Variants in TBX3 observed in about 807,000 individuals in gnomAD.
TBX3 encodes the protein T-box transcription factor 3.
Under a neutral mutation model 47.8 loss-of-function variants are expected in TBX3, and 11 were observed. The ratio of observed to expected loss-of-function variants is 0.23; its 90% CI spans 0.14 to 0.38. The LOEUF (loss-of-function observed/expected upper bound fraction) is 0.38, where lower values mean the gene tolerates loss of function less well. Among genes scored for constraint, TBX3 ranks in the 10% least tolerant of loss-of-function variants. The pLI is 1.00. For synonymous variants in TBX3, 500 were observed against 449.3 expected, an observed-to-expected ratio of 1.11 and a Z score of -1.43; for missense variants, 927 against 1,022.8, an observed-to-expected ratio of 0.91 and a Z score of 1.28.
rs1234535767 is a variant in TBX3, at chr12:114,679,546, C to T, written c.763G>A (p.Glu255Lys). 10 of 1,614,036 alleles carry T rather than the reference C, an allele frequency of 6.2e-6. No individual in the cohort carries two copies. The highest frequency in any genetic ancestry group is 8.5e-7 in the Non-Finnish European group (1 of 1,180,052). Residue 255 changes from glutamate (E) to lysine (K), a missense_variant, in exon 3 of 7, where the codon GAA (glutamate) becomes AAA (lysine). By Grantham distance (56) the Glu-to-Lys change is moderately conservative (BLOSUM62 1). Coordinates refer to ENST00000349155, the MANE Select transcript of TBX3 (RefSeq NM_005996.4). ...GCAGTCACAGCGATGAATTCAGTTT[C>T]GGGGAACAAGTATGTCCGAAATGTA... Reference protein sequence around the residue: ...YSTFRTYLFPETEFIAVTAYQ... With the variant: ...YSTFRTYLFPKTEFIAVTAYQ...
At chr12:114,672,433 TGTG>T in intron 6 of TBX3, 131 bp from the exon 7 acceptor site, 1 of 524,702 alleles carries the variant, frequency 1.9e-6, no homozygotes, top group Non-Finnish European at 2.7e-6. Context: ...TTGTTGTTGT[TGTG>T]TTTTTTTTTT....
Position 114,671,638 on chromosome 12 carries a change from T to C in TBX3, c.*203A>G, listed in dbSNP as rs1443908504. On this transcript the variant is annotated 3_prime_UTR_variant, in exon 7 of 7. Coordinates refer to ENST00000349155, the MANE Select transcript of TBX3 (RefSeq NM_005996.4). ...ACGTTTCTGAGCCCCCAGAATCTGA[T>C]CCAGATCCCGGACATATAAACCACG... The C allele has an allele frequency of 4.5e-6, 3 of 667,968 alleles. No individual in the cohort carries two copies. The highest frequency in any genetic ancestry group is 1.9e-5 in the South Asian group (1 of 53,326). 41.4% of individuals were successfully genotyped at this position (667,968 alleles called of 1,614,324 possible).
At chr12:114,682,517 CTTTT>C (rs34428684) in intron 1 of TBX3, among the ~76,000 whole-genome samples, 28 of 145,548 alleles carry the variant, frequency 1.9e-4, no homozygotes, top group African/African-American at 6.5e-4. Context: ...AGTAGAGTGC[CTTTT>C]TTTTTTTTCT....
chr12:114,683,302 G>A lies in TBX3; in HGVS notation c.-102C>T. ...TTTAACAGCAGCACATAATTCAAAA[G>A]GGGGGAAAAAGCAAAACAAAAAAGA... On this transcript the variant is annotated 5_prime_UTR_variant, in exon 1 of 7. Transcript: ENST00000349155. This position sits in a 1 kb window ranked among gnomAD's most constrained non-coding sequence, Gnocchi z 7.7. 6.7e-7 allele frequency: 1 copy of A among 1,495,148 alleles called. No individual in the cohort carries two copies. The highest frequency in any genetic ancestry group is 1.4e-5 in the African/African-American group (1 of 71,122). The allele number at this position is 1,495,148 out of a possible 1,614,324, so 92.6% of individuals were successfully genotyped here.
chr12:114,683,386 A>AG lies in TBX3; in HGVS notation c.-187dup. ...AATGCACTTCAAAGGGAGGAGGGGA[A>AG]GTGTCTTTTGGAGAATGGGAGGCCG... On this transcript the variant is annotated 5_prime_UTR_variant, in exon 1 of 7. Transcript: ENST00000349155. The surrounding 1 kb of genome is among the most constrained non-coding windows in gnomAD (Gnocchi z 7.7). The AG allele has an allele frequency of 2.5e-6, 2 of 793,486 alleles. No homozygotes were observed. The highest frequency in any genetic ancestry group is 3.9e-6 in the Non-Finnish European group (2 of 519,448). 49.2% of individuals were successfully genotyped at this position (793,486 alleles called of 1,614,324 possible). A position where few individuals can be genotyped will look rare whatever the true frequency, so the allele number is the denominator to read the frequency against.
In TBX3 at chr12:114,683,519, A is replaced by T; in HGVS notation, c.-319T>A. 5.3e-6 allele frequency: 2 copies of T among 379,424 alleles called. No homozygotes were observed. The highest frequency in any genetic ancestry group is 4.5e-5 in the South Asian group (1 of 22,208). The allele number at this position is 379,424 out of a possible 1,614,324, so 23.5% of individuals were successfully genotyped here. On this transcript the variant is annotated 5_prime_UTR_variant, in exon 1 of 7. Transcript: ENST00000349155. The surrounding 1 kb of genome is among the most constrained non-coding windows in gnomAD (Gnocchi z 7.7). ...CTCCTGAACGTCGGTTTCAGAAGCG[A>T]GAGGAGCGAGCAGGGTCTCGACTCG...
At chr12:114,676,689 G>C (rs990166074) in intron 4 of TBX3, among the ~76,000 whole-genome samples, 1 of 152,228 alleles carries the variant, frequency 6.6e-6, no homozygotes, top group African/African-American at 2.4e-5. Context: ...CAGAGGGTTA[G>C]GGAGAAAGGA....
rs577155721 is a variant in TBX3, at chr12:114,684,002, G to C, written c.-802C>G. ...GTGAGCGAATTCGCTTCCTAAATCT[G>C]TGTCCAGGCGCGCAGGGCAGGGAGG... is the stretch of plus-strand genomic sequence containing the variant. On this transcript the variant is annotated 5_prime_UTR_variant, in exon 1 of 7. Transcript: ENST00000349155. 5.6e-5 allele frequency: 13 copies of C among 230,226 alleles called. No homozygotes were observed. The highest frequency in any genetic ancestry group is 1.1e-4 in the Non-Finnish European group (13 of 116,386). 14.3% of individuals were successfully genotyped at this position (230,226 alleles called of 1,614,324 possible). A position where few individuals can be genotyped will look rare whatever the true frequency, so the allele number is the denominator to read the frequency against.
chr12:114,680,814 G>A (rs1376876980), intron 2 of TBX3, 65 bp downstream of exon 2: 1 of 1,606,290 alleles, frequency 6.2e-7, no homozygotes, highest in South Asian at 1.1e-5. Flanking sequence ...TCATGAAATG[G>A]GAAGCACTGC....
Position 114,683,216 on chromosome 12 carries a change from C to G in TBX3, c.-16G>C. On this transcript the variant is annotated 5_prime_UTR_variant, in exon 1 of 7. Transcript: ENST00000349155. This position sits in a 1 kb window ranked among gnomAD's most constrained non-coding sequence, Gnocchi z 7.7. ...AGAGGCTCATCCACTCCAGGCGGGG[C>G]GCTGGGCTCCAGCCGGGGACAAGTC... is the stretch of plus-strand genomic sequence containing the variant. 1 of 1,606,962 alleles carries G rather than the reference C, an allele frequency of 6.2e-7. No homozygotes were observed. Among genetic ancestry groups the G allele is most frequent in the Non-Finnish European group, 8.5e-7 (1 of 1,175,934 alleles).
chr12:114,674,493 G>A lies in TBX3; in HGVS notation c.1382C>T (p.Pro461Leu), dbSNP rs772493303. 2 of 1,517,146 alleles carry A rather than the reference G, an allele frequency of 1.3e-6. No homozygotes were observed. The highest frequency in any genetic ancestry group is 1.3e-5 in the South Asian group (1 of 78,740). 94.0% of individuals were successfully genotyped at this position (1,517,146 alleles called of 1,614,324 possible). ...RALPGKEAFA[P>L]LTVQTDAAAA... ...GGCCGCGTCCGTCTGCACCGTGAGC[G>A]GCGCGAAGGCCTCCTTGCCCGGGAG... The change falls in exon 6 of 7, where the codon CCG becomes CTG. Residue 461 changes from proline to leucine, a missense_variant. By Grantham distance (98) the Pro-to-Leu change is moderately conservative. Around this residue, in one of 5 missense-constraint regions of TBX3, gnomAD observed 623 missense variants for 569.0 expected, o/e 1.09. Coordinates refer to ENST00000349155, the MANE Select transcript of TBX3 (RefSeq NM_005996.4).
chr12:114,674,481 T>G lies in TBX3; in HGVS notation c.1394A>C (p.Gln465Pro). ...GKEAFAPLTV[Q>P]TDAAAAHLAQ... is the part of the protein sequence containing the mutation. ...CAGGTGCGCGGCGGCCGCGTCCGTC[T>G]GCACCGTGAGCGGCGCGAAGGCCTC... The change falls in exon 6 of 7, where the codon CAG (glutamine) becomes CCG (proline). Residue 465 changes from glutamine to proline, a missense_variant. Physicochemically the swap from Gln to Pro is moderately conservative, Grantham distance 76 (BLOSUM62 -1). This residue lies in a region of TBX3 where 623 missense variants were observed against 569.0 expected (regional missense o/e 1.09). Coordinates refer to ENST00000349155, the MANE Select transcript of TBX3 (RefSeq NM_005996.4). The G allele has an allele frequency of 6.5e-7, 1 of 1,533,162 alleles. No individual in the cohort carries two copies. The highest frequency in any genetic ancestry group is 8.8e-7 in the Non-Finnish European group (1 of 1,141,076). 95.0% of individuals were successfully genotyped at this position (1,533,162 alleles called of 1,614,324 possible). A position where few individuals can be genotyped will look rare whatever the true frequency, so the allele number is the denominator to read the frequency against.
In TBX3 at chr12:114,671,563, C is replaced by T; in HGVS notation, c.*278G>A. 2 of 543,816 alleles carry T rather than the reference C, an allele frequency of 3.7e-6. No individual in the cohort carries two copies. Among genetic ancestry groups the T allele is most frequent in the Non-Finnish European group, 6.6e-6 (2 of 302,450 alleles). The allele number at this position is 543,816 out of a possible 1,614,324, so 33.7% of individuals were successfully genotyped here. A position where few individuals can be genotyped will look rare whatever the true frequency, so the allele number is the denominator to read the frequency against. On this transcript the variant is annotated 3_prime_UTR_variant, in exon 7 of 7. Transcript: ENST00000349155. The stretch of plus-strand genomic sequence containing the variant: ...CCCAGACCAGCCTTGCTGGAAGTTG[C>T]TCTGGACATAAATGTTGGAACTCCT...
chr12:114,679,400 A>AGACTCTCGT, intron 3 of TBX3, 105 bp downstream of exon 3: 1 of 1,504,040 alleles, frequency 6.6e-7, no homozygotes. Context: ...AGACAACTCA[A>AGACTCTCGT]GACTCTCGTC....
intron 4 of TBX3, among the ~76,000 whole-genome samples, chr12:114,677,044 T>C (rs1868744106): frequency 1.3e-5 from 2 of 151,982 alleles, no homozygotes; most frequent in Admixed American, 1.3e-4. Context: ...GGTTAAAAAT[T>C]TGGGGGTGAT....
intron 1 of TBX3, 128 bp from the exon 2 acceptor site, chr12:114,681,274 T>A: frequency 3.8e-6 from 5 of 1,315,428 alleles, no homozygotes; most frequent in Non-Finnish European, 5.2e-6. Flanking sequence ...TAAGCTTACA[T>A]GTTTCAGAGT....
chr12:114,671,871 C>T lies in TBX3; in HGVS notation c.2142G>A (p.Lys714=). 1.9e-6 allele frequency: 3 copies of T among 1,560,806 alleles called. No individual in the cohort carries two copies. The highest frequency in any genetic ancestry group is 2.6e-6 in the Non-Finnish European group (3 of 1,153,316). ...GGGACGCGCTGCGGGACCTGTCCGGCTTGGCTTCCAAGCCGCTAACCAACC... is the reference window on the plus strand; with the variant it reads ...GGGACGCGCTGCGGGACCTGTCCGGTTTGGCTTCCAAGCCGCTAACCAACC... The part of the protein sequence containing the change: ...IQRLVSGLEA[K]PDRSRSASP The change falls in exon 7 of 7, where the codon AAG becomes AAA. Residue 714 remains lysine, a synonymous_variant. Coordinates refer to ENST00000349155, the MANE Select transcript of TBX3 (RefSeq NM_005996.4).
rs1432260004 is a variant in TBX3, at chr12:114,683,206, C to G, written c.-6G>C. The G allele has an allele frequency of 6.2e-7, 1 of 1,608,238 alleles. No individual in the cohort carries two copies. Among genetic ancestry groups the G allele is most frequent in the Admixed American group, 1.7e-5 (1 of 59,946 alleles). ...TCTCTCATGGAGAGGCTCATCCACT[C>G]CAGGCGGGGCGCTGGGCTCCAGCCG... On this transcript the variant is annotated 5_prime_UTR_variant, in exon 1 of 7. Transcript: ENST00000349155. This position sits in a 1 kb window ranked among gnomAD's most constrained non-coding sequence, Gnocchi z 7.7.
chr12:114,674,582 C>T lies in TBX3; in HGVS notation c.1293G>A (p.Ala431=), dbSNP rs1307042952. Residue 431 remains alanine, a synonymous_variant, in exon 6 of 7, where the codon GCG becomes GCA. Coordinates refer to ENST00000349155, the MANE Select transcript of TBX3 (RefSeq NM_005996.4). ...TISSSTRGLG[A]EERRSPVREG... Reference sequence around the variant, plus strand: ...CGCGAACCGGGCTCCTGCGCTCCTCCGCGCCCAGGCCGCGAGTGCTGGACG... The same window carrying T: ...CGCGAACCGGGCTCCTGCGCTCCTCTGCGCCCAGGCCGCGAGTGCTGGACG... The T allele has an allele frequency of 5.7e-6, 9 of 1,586,514 alleles. No homozygotes were observed. The highest frequency in any genetic ancestry group is 1.3e-5 in the African/African-American group (1 of 74,560).
Sources: allele counts gnomAD v4.1 joint callset (sites outside exome capture counted in the v4.1 genomes callset), GRCh38; gene constraint gnomAD v4.1.1; regional missense constraint gnomAD v4.1.1; non-coding constraint Gnocchi (gnomAD v3.1); transcripts MANE v1.5; gene names NCBI Gene and HGNC (gene_info 2026-07-23, HGNC 2026-07-21).